The following PELI2 variants were observed in gnomAD, a reference collection of about 807,000 sequenced individuals.
The protein encoded by PELI2 is E3 ubiquitin-protein ligase pellino homolog 2.
A neutral mutation model predicts 42.3 loss-of-function variants in PELI2; 23 were observed. The ratio of observed to expected loss-of-function variants is 0.54; its 90% CI spans 0.39 to 0.77. The LOEUF is 0.77. PELI2 is among the 30% of genes least tolerant of loss of function. The pLI, the probability that PELI2 is intolerant of heterozygous loss-of-function variation, is 0.00. For synonymous variants in PELI2, 245 were observed against 212.2 expected (o/e 1.15, Z -1.34); for missense variants, 463 against 553.2 (o/e 0.84, Z 1.64).
intron 2 of PELI2, among the ~76,000 whole-genome samples, chr14:56,245,597 A>G (rs2139803635): frequency 6.6e-6 from 1 of 152,266 alleles, no homozygotes; most frequent in African/African-American, 2.4e-5. Flanking sequence ...GATTCTATAC[A>G]GGCAAATTTT....
At chr14:56,182,143 T>A (rs1318325768) in intron 2 of PELI2, among the ~76,000 whole-genome samples, 1 of 152,052 alleles carries the variant, frequency 6.6e-6, no homozygotes, top group Non-Finnish European at 1.5e-5. Flanking sequence ...GGCACAGAGT[T>A]TAGACAAGGT....
At chr14:56,165,328 A>G (rs1161213374) in intron 1 of PELI2, among the ~76,000 whole-genome samples, 1 of 152,142 alleles carries the variant, frequency 6.6e-6, no homozygotes, top group Non-Finnish European at 1.5e-5. Context: ...ATGTATTTGT[A>G]TAGTTTCCAA....
chr14:56,226,709 T>C (rs1317415188), intron 2 of PELI2, among the ~76,000 whole-genome samples: 3 of 152,244 alleles, frequency 2.0e-5, no homozygotes, highest in Non-Finnish European at 4.4e-5. Context: ...CCCTTTAATT[T>C]ATTTTACTGA....
chr14:56,281,738 A>G (rs891318855), intron 3 of PELI2, among the ~76,000 whole-genome samples: 1 of 152,120 alleles, frequency 6.6e-6, no homozygotes, highest in African/African-American at 2.4e-5. Flanking sequence ...AATCAGATAG[A>G]CAAATGAGCA....
chr14:56,218,813 G>A (rs1257795348), intron 2 of PELI2, among the ~76,000 whole-genome samples: 1 of 152,156 alleles, frequency 6.6e-6, no homozygotes, highest in East Asian at 1.9e-4. Flanking sequence ...AAGCAAGAGA[G>A]CTATTGGTCT....
At chr14:56,234,212 A>G (rs190576789) in intron 2 of PELI2, among the ~76,000 whole-genome samples, 1 of 152,332 alleles carries the variant, frequency 6.6e-6, no homozygotes, top group East Asian at 1.9e-4. Flanking sequence ...AAGGATCTAG[A>G]ACTAGAAATA....
intron 2 of PELI2, among the ~76,000 whole-genome samples, chr14:56,209,703 T>A (rs1010668416): frequency 6.6e-6 from 1 of 152,104 alleles, no homozygotes; most frequent in African/African-American, 2.4e-5. Context: ...CGTAAAGAAG[T>A]CTTGAGACTA....
intron 1 of PELI2, among the ~76,000 whole-genome samples, chr14:56,164,839 G>A (rs1884892948): frequency 6.6e-6 from 1 of 151,946 alleles, no homozygotes; most frequent in Non-Finnish European, 1.5e-5. Flanking sequence ...GCTCATGATA[G>A]CCACTAATGA....
chr14:56,259,154 AC>A (rs1284231860), intron 2 of PELI2, among the ~76,000 whole-genome samples: 1 of 152,116 alleles, frequency 6.6e-6, no homozygotes, highest in Non-Finnish European at 1.5e-5. Context: ...AGAAGTAAAG[AC>A]TTTATTTCAG....
intron 2 of PELI2, among the ~76,000 whole-genome samples, chr14:56,246,997 T>A (rs1183512485): frequency 6.6e-6 from 1 of 152,220 alleles, no homozygotes; most frequent in Admixed American, 6.5e-5. Context: ...TTTTACGTTG[T>A]TGGTCTACTG....
intron 1 of PELI2, among the ~76,000 whole-genome samples, chr14:56,124,148 A>C (rs1252610259): frequency 6.6e-6 from 1 of 152,232 alleles, no homozygotes; most frequent in Non-Finnish European, 1.5e-5. Flanking sequence ...TCTGGAAAAT[A>C]AAATAATAAG....
chr14:56,234,801 C>T (rs746901392), intron 2 of PELI2, among the ~76,000 whole-genome samples: 30 of 151,732 alleles, frequency 2.0e-4, no homozygotes, highest in African/African-American at 4.4e-4. Flanking sequence ...AGTGTATTTG[C>T]GCTAATCTGT....
At chr14:56,166,270 TG>T (rs1418945785) in intron 1 of PELI2, among the ~76,000 whole-genome samples, 5 of 152,238 alleles carry the variant, frequency 3.3e-5, no homozygotes, top group African/African-American at 1.2e-4. Flanking sequence ...GCCTTAACTT[TG>T]CCACCCCTCC....
intron 3 of PELI2, among the ~76,000 whole-genome samples, chr14:56,283,693 T>C (rs1889557123): frequency 6.6e-6 from 1 of 152,214 alleles, no homozygotes; most frequent in Non-Finnish European, 1.5e-5. Flanking sequence ...GGGGCAGAGC[T>C]AAGATTTAGG....
chr14:56,261,209 A>G (rs1201979957), intron 2 of PELI2, among the ~76,000 whole-genome samples: 3 of 152,182 alleles, frequency 2.0e-5, no homozygotes, highest in Non-Finnish European at 4.4e-5. Flanking sequence ...TTCAGCTTGC[A>G]TTAATACTTG....
chr14:56,127,845 A>T (rs901943538), intron 1 of PELI2, among the ~76,000 whole-genome samples: 1 of 152,230 alleles, frequency 6.6e-6, no homozygotes, highest in Non-Finnish European at 1.5e-5. Context: ...AAACTTTTGC[A>T]TTCAAAATTG....
In PELI2 at chr14:56,219,926, T is replaced by G. The variant is rs1242483777; in HGVS notation, c.207+41462T>G. ...AAACAGCTCAGGATTGAAAAAACTC[T>G]TGTGCAGAACAGTTAATTGAAGTGT... On this transcript the variant is annotated intron_variant, in intron 2 of 5. Transcript: ENST00000267460. The surrounding 1 kb of genome is among the most constrained non-coding windows in gnomAD (Gnocchi z 4.1). Among the ~76,000 whole-genome samples, 1 of 152,248 alleles carries G rather than the reference T, an allele frequency of 6.6e-6. No individual in the cohort carries two copies. The highest frequency in any genetic ancestry group is 1.9e-4 in the East Asian group (1 of 5,204).
At chr14:56,211,442 G>A (rs139821590) in intron 2 of PELI2, among the ~76,000 whole-genome samples, 1 of 152,318 alleles carries the variant, frequency 6.6e-6, no homozygotes, top group African/African-American at 2.4e-5. Context: ...TACTAGCTGA[G>A]TCAATGCTCA....
intron 1 of PELI2, among the ~76,000 whole-genome samples, chr14:56,163,098 A>G (rs1424726731): frequency 6.6e-6 from 1 of 151,954 alleles, no homozygotes; most frequent in Non-Finnish European, 1.5e-5. Flanking sequence ...TGATGTGACA[A>G]ATGGCGCTTT....
Sources: allele counts gnomAD v4.1 joint callset (sites outside exome capture counted in the v4.1 genomes callset), GRCh38; gene constraint gnomAD v4.1.1; non-coding constraint Gnocchi (gnomAD v3.1); transcripts MANE v1.5; gene names NCBI Gene and HGNC (gene_info 2026-07-23, HGNC 2026-07-21).